The following ACOXL variants were observed in gnomAD, a reference collection of about 807,000 sequenced individuals.
ACOXL encodes the protein acyl-CoA oxidase like, also known as acyl-coenzyme A oxidase-like protein.
In ACOXL, 70 loss-of-function variants were observed where a neutral mutation model predicts 71.9. The observed-to-expected ratio is 0.97, with a 90% CI of 0.80 to 1.19. The LOEUF is 1.19. ACOXL is among the 50% of genes most tolerant of loss of function. The pLI, the probability that ACOXL is intolerant of heterozygous loss-of-function variation, is 0.00. For synonymous variants in ACOXL, 253 were observed against 281.6 expected (o/e 0.90, Z 1.02); for missense variants, 703 against 736.3 (o/e 0.95, Z 0.52).
At chr2:110,785,660 G>C (rs1467011585) in intron 3 of ACOXL, among the ~76,000 whole-genome samples, 1 of 152,044 alleles carries the variant, frequency 6.6e-6, no homozygotes, top group African/African-American at 2.4e-5. Flanking sequence ...ATATACCACA[G>C]CATTTATTCA....
chr2:110,980,904 A>G (rs1434644054), intron 12 of ACOXL, among the ~76,000 whole-genome samples: 1 of 152,166 alleles, frequency 6.6e-6, no homozygotes. Flanking sequence ...CTCTGTGCCC[A>G]CTGAGCTTTG....
At chr2:110,749,372 A>G (rs913623281) in intron 1 of ACOXL, among the ~76,000 whole-genome samples, 1 of 152,218 alleles carries the variant, frequency 6.6e-6, no homozygotes, top group Non-Finnish European at 1.5e-5. Context: ...GATTTGCCAT[A>G]TATCCTCCCC....
At chr2:110,844,673 G>A (rs905353833) in intron 10 of ACOXL, among the ~76,000 whole-genome samples, 2 of 151,088 alleles carry the variant, frequency 1.3e-5, no homozygotes, top group South Asian at 2.1e-4. Context: ...TCAGCCTCCC[G>A]AATAGCTGGG....
chr2:110,801,291 C>T (rs569645023), intron 7 of ACOXL, among the ~76,000 whole-genome samples: 2 of 152,320 alleles, frequency 1.3e-5, no homozygotes, highest in African/African-American at 2.4e-5. Flanking sequence ...TACCCTGCCT[C>T]TGTGTTCAGC....
chr2:110,838,885 A>G (rs1434759080), intron 9 of ACOXL, among the ~76,000 whole-genome samples: 4 of 152,190 alleles, frequency 2.6e-5, no homozygotes, highest in Non-Finnish European at 4.4e-5. Flanking sequence ...GGTCCTGTTC[A>G]TGCAGAGGCC....
chr2:110,966,505 G>A (rs898826731), intron 12 of ACOXL, among the ~76,000 whole-genome samples: 10 of 152,224 alleles, frequency 6.6e-5, no homozygotes, highest in African/African-American at 2.4e-4. Context: ...AAGATGACAA[G>A]AAACTGGATC....
rs1239863029 is a variant in ACOXL, at chr2:110,967,739, A to G, written c.1060-19369A>G. The stretch of plus-strand genomic sequence containing the variant: ...TCAATGGTTAACACAACTACTAGAC[A>G]GCAAATCAGAAAGGATATGAAAGAA... On this transcript the variant is annotated intron_variant, in intron 12 of 17. Coordinates refer to ENST00000439055, the MANE Select transcript of ACOXL (RefSeq NM_001142807.4). 9.6e-6 allele frequency: 5 copies of G among 523,470 alleles called. No individual in the cohort carries two copies. In the Admixed American group the frequency reaches 1.6e-4, roughly 17 times the overall value. The allele number at this position is 523,470 out of a possible 1,614,324, so 32.4% of individuals were successfully genotyped here.
At chr2:110,904,618 A>G (rs949877460) in intron 10 of ACOXL, among the ~76,000 whole-genome samples, 1 of 152,234 alleles carries the variant, frequency 6.6e-6, no homozygotes, top group African/African-American at 2.4e-5. Flanking sequence ...CATTGAAAGC[A>G]TAGTTTGTTA....
intron 9 of ACOXL, among the ~76,000 whole-genome samples, chr2:110,827,177 C>T (rs973484796): frequency 6.6e-6 from 1 of 152,158 alleles, no homozygotes; most frequent in African/African-American, 2.4e-5. Flanking sequence ...AAGATGAACA[C>T]ACAGCCTCCA....
At chr2:111,017,162 C>T (rs1460908056) in intron 14 of ACOXL, among the ~76,000 whole-genome samples, 1 of 152,230 alleles carries the variant, frequency 6.6e-6, no homozygotes, top group Non-Finnish European at 1.5e-5. Context: ...AGCAGACTTG[C>T]CCTGGGGTGA....
chr2:111,064,435 C>CAAAAAAAA (rs34617136), intron 16 of ACOXL, among the ~76,000 whole-genome samples: 9 of 85,280 alleles, frequency 1.1e-4, no homozygotes, highest in Admixed American at 2.4e-4. Context: ...CACTCCATCT[C>CAAAAAAAA]AAAAAAAAAA....
In ACOXL at chr2:110,933,568, G is replaced by A; in HGVS notation, c.985G>A (p.Ala329Thr). The stretch of plus-strand genomic sequence containing the variant: ...CAGTCGCTCGCTGCAGGCTCTGGTG[G>A]CGGGGCTGAAGGCCTACAGCACCTG... ...VNSRSLQALV[A>T]GLKAYSTWEN... Residue 329 changes from alanine to threonine, a missense_variant, in exon 12 of 18, where the codon GCG becomes ACG. Physicochemically the swap from Ala to Thr is moderately conservative, Grantham distance 58 (BLOSUM62 0). Transcript: ENST00000439055. The A allele has an allele frequency of 3.7e-6, 6 of 1,614,132 alleles. No individual in the cohort carries two copies. Among genetic ancestry groups the A allele is most frequent in the Non-Finnish European group, 5.1e-6 (6 of 1,180,028 alleles).
chr2:110,822,003 A>C (rs1688666791), intron 9 of ACOXL, among the ~76,000 whole-genome samples: 1 of 151,950 alleles, frequency 6.6e-6, no homozygotes, highest in Admixed American at 6.6e-5. Flanking sequence ...GCATGTATAC[A>C]TGCGGCTGTA....
chr2:110,915,063 A>C (rs1574100880), intron 11 of ACOXL, among the ~76,000 whole-genome samples: 1 of 138,786 alleles, frequency 7.2e-6, no homozygotes, highest in African/African-American at 3.0e-5. Context: ...GACTATAGTC[A>C]CCCTGTTTTG....
chr2:110,866,571 G>A (rs1694611329), intron 10 of ACOXL, among the ~76,000 whole-genome samples: 1 of 152,138 alleles, frequency 6.6e-6, no homozygotes, highest in Non-Finnish European at 1.5e-5. Context: ...GGAGACAAAA[G>A]AGCCGCTTTG....
intron 16 of ACOXL, among the ~76,000 whole-genome samples, chr2:111,072,745 T>C (rs1265541687): frequency 6.6e-6 from 1 of 152,190 alleles, no homozygotes; most frequent in Admixed American, 6.5e-5. Flanking sequence ...ATTGTGGCAA[T>C]CAAAATGTCT....
intron 14 of ACOXL, among the ~76,000 whole-genome samples, chr2:110,997,944 A>T (rs551153356): frequency 6.6e-6 from 1 of 152,234 alleles, no homozygotes; most frequent in East Asian, 1.9e-4. Context: ...CCAGCTACTG[A>T]GGAGGCTGAG....
intron 10 of ACOXL, among the ~76,000 whole-genome samples, chr2:110,854,274 G>A (rs937949365): frequency 6.6e-6 from 1 of 152,170 alleles, no homozygotes; most frequent in Non-Finnish European, 1.5e-5. Flanking sequence ...GATTAGCATT[G>A]TTGGTACAAT....
chr2:110,822,678 A>G (rs1223131617), intron 9 of ACOXL, among the ~76,000 whole-genome samples: 1 of 152,222 alleles, frequency 6.6e-6, no homozygotes, highest in Non-Finnish European at 1.5e-5. Flanking sequence ...TTTTAAAGTT[A>G]CATACCTTAG....
Sources: allele counts gnomAD v4.1 joint callset (sites outside exome capture counted in the v4.1 genomes callset), GRCh38; gene constraint gnomAD v4.1.1; transcripts MANE v1.5; gene names NCBI Gene and HGNC (gene_info 2026-07-23, HGNC 2026-07-21).